MARCHF1: variants seen among roughly 807,000 people sequenced by gnomAD.
MARCHF1 encodes membrane associated ring-CH-type finger 1.
In MARCHF1, 40 loss-of-function variants were observed where a neutral mutation model predicts 54.2. The observed-to-expected ratio is 0.74, with a 90% CI of 0.57 to 0.96. The LOEUF (loss-of-function observed/expected upper bound fraction) is 0.96. MARCHF1 is among the 40% of genes least tolerant of loss of function. The probability of loss-of-function intolerance (pLI) is 0.00; values close to 1 mark genes in which losing one functional copy is unlikely to be tolerated. For missense variants in MARCHF1, 586 were observed against 656.5 expected, an observed-to-expected ratio of 0.89 and a Z score of 1.17; for synonymous variants, 236 against 236.3, an observed-to-expected ratio of 1.00 and a Z score of 0.01.
At chr4:163,832,316 T>A (rs1749049470) in intron 4 of MARCHF1, among the ~76,000 whole-genome samples, 1 of 152,148 alleles carries the variant, frequency 6.6e-6, no homozygotes, top group South Asian at 2.1e-4. Context: ...ATGCTGGCCT[T>A]TTCTCCGTGA....
chr4:163,999,862 C>G (rs1023956957), intron 2 of MARCHF1, among the ~76,000 whole-genome samples: 1 of 151,602 alleles, frequency 6.6e-6, no homozygotes, highest in Admixed American at 6.6e-5. Flanking sequence ...CTAACTTGCC[C>G]AAGGTCCCAC....
intron 1 of MARCHF1, among the ~76,000 whole-genome samples, chr4:164,143,215 C>G (rs1055138748): frequency 1.4e-4 from 21 of 152,044 alleles, no homozygotes; most frequent in African/African-American, 4.8e-4. Context: ...CTGAAAGTGA[C>G]TGGGAGAATG....
intron 1 of MARCHF1, among the ~76,000 whole-genome samples, chr4:164,216,010 A>G (rs1731921020): frequency 6.6e-6 from 1 of 152,242 alleles, no homozygotes; most frequent in Non-Finnish European, 1.5e-5. Context: ...AGGTTCTCAC[A>G]TAATGCCTAT....
At chr4:164,114,801 C>CA (rs34571086) in intron 1 of MARCHF1, among the ~76,000 whole-genome samples, 7,294 of 125,380 alleles carry the variant, frequency 0.058, 238 homozygotes, top group Middle Eastern at 0.17. Context: ...AGTGAATTAC[C>CA]AAAAAAAAAA....
chr4:164,088,855 A>T (rs1338795851), intron 2 of MARCHF1, among the ~76,000 whole-genome samples: 1 of 152,242 alleles, frequency 6.6e-6, no homozygotes, highest in Admixed American at 6.5e-5. Context: ...ACAAAGAAGC[A>T]TATTTTATAC....
intron 7 of MARCHF1, among the ~76,000 whole-genome samples, chr4:163,607,038 A>C (rs1741167402): frequency 6.6e-6 from 1 of 152,056 alleles, no homozygotes; most frequent in Non-Finnish European, 1.5e-5. Flanking sequence ...CCTCTTCTAT[A>C]TATAGGAAGT....
At chr4:164,174,710 A>G (rs981286647) in intron 1 of MARCHF1, among the ~76,000 whole-genome samples, 3 of 152,200 alleles carry the variant, frequency 2.0e-5, no homozygotes, top group Non-Finnish European at 4.4e-5. Flanking sequence ...TTGTTCTAAT[A>G]TATTTGTTTT....
At chr4:164,071,392 G>T (rs1463758538) in intron 2 of MARCHF1, among the ~76,000 whole-genome samples, 2 of 151,864 alleles carry the variant, frequency 1.3e-5, no homozygotes, top group African/African-American at 2.4e-5. Flanking sequence ...CCAAAATTAA[G>T]TGGAAATTTA....
intron 1 of MARCHF1, among the ~76,000 whole-genome samples, chr4:164,148,914 T>C (rs1337513693): frequency 2.0e-5 from 3 of 152,074 alleles, no homozygotes; most frequent in Non-Finnish European, 4.4e-5. Context: ...ATTATTATAG[T>C]TTGGATGCTC....
intron 5 of MARCHF1, among the ~76,000 whole-genome samples, chr4:163,694,020 G>C (rs1744543222): frequency 6.6e-6 from 1 of 152,152 alleles, no homozygotes; most frequent in Admixed American, 6.6e-5. Flanking sequence ...CAAGAATGAA[G>C]GATATTTGGA....
intron 4 of MARCHF1, among the ~76,000 whole-genome samples, chr4:163,789,506 TA>T (rs1229559223): frequency 1.3e-5 from 2 of 151,726 alleles, no homozygotes; most frequent in Non-Finnish European, 2.9e-5. Flanking sequence ...AAAGTCTTTT[TA>T]AAAAAAAGAA....
rs1462208986 is a variant in MARCHF1, at chr4:164,199,681, C to CACAG, written c.-322-88020_-322-88019insCTGT. Among the ~76,000 whole-genome samples, 406 of 47,626 alleles carry CACAG rather than the reference C, an allele frequency of 8.5e-3. 1 individual carries two copies. The highest frequency in any genetic ancestry group is 0.04 in the Admixed American group (155 of 3,898). The allele number at this position is 47,626 out of a possible 152,430, so 31.2% of individuals were successfully genotyped here. On this transcript the variant is annotated intron_variant, in intron 1 of 9. Coordinates refer to ENST00000514618, the MANE Select transcript of MARCHF1 (RefSeq NM_001394959.1). ...ACACACACACACACACACACACACA[C>CACAG]AGAGAGAGAGAGAGAGAGAGAGAGA...
intron 1 of MARCHF1, among the ~76,000 whole-genome samples, chr4:164,241,491 A>G (rs956518758): frequency 6.6e-6 from 1 of 152,158 alleles, no homozygotes; most frequent in African/African-American, 2.4e-5. Context: ...TTCCCAGTAT[A>G]CAATGATAAG....
intron 2 of MARCHF1, chr4:164,055,264 T>C (rs56330620): frequency 0.048 from 7,319 of 152,160 alleles, 271 homozygotes; most frequent in East Asian, 0.19. Flanking sequence ...GGCAACATGC[T>C]GAAACCCCAT....
chr4:163,946,387 A>G (rs1316109422), intron 3 of MARCHF1, among the ~76,000 whole-genome samples: 2 of 152,096 alleles, frequency 1.3e-5, no homozygotes, highest in East Asian at 1.9e-4. Flanking sequence ...TAGATCCCAT[A>G]CTATCATCTC....
At chr4:163,531,853 A>G (rs1179931019) in intron 9 of MARCHF1, among the ~76,000 whole-genome samples, 1 of 151,906 alleles carries the variant, frequency 6.6e-6, no homozygotes, top group Non-Finnish European at 1.5e-5. Flanking sequence ...AAAAACAATG[A>G]CAACAACAAA....
chr4:164,143,963 A>G lies in MARCHF1; in HGVS notation c.-322-32301T>C, dbSNP rs565398343. On this transcript the variant is annotated intron_variant, in intron 1 of 9. Transcript: ENST00000514618. Reference sequence around the variant, plus strand: ...CAGAGACACACATAGGCTCAAAATAAAAGGATGGAAGAAGATCTACCAAGC... The same window carrying G: ...CAGAGACACACATAGGCTCAAAATAGAAGGATGGAAGAAGATCTACCAAGC... Among the ~76,000 whole-genome samples, 6 of 152,324 alleles carry G rather than the reference A, an allele frequency of 3.9e-5. No homozygotes were observed. In the South Asian group the frequency reaches 6.2e-4, roughly 16 times the overall value.
At position 163,527,548 on chromosome 4, in the gene MARCHF1, A is replaced by AT. The variant is rs1327183691; in HGVS notation, c.*1199dup. 6 of 151,968 alleles carry AT rather than the reference A, an allele frequency of 3.9e-5. No individual in the cohort carries two copies. Among genetic ancestry groups the AT allele is most frequent in the East Asian group, 1.9e-4 (1 of 5,188 alleles). The allele number at this position is 151,968 out of a possible 1,614,324, so 9.4% of individuals were successfully genotyped here. On this transcript the variant is annotated 3_prime_UTR_variant, in exon 10 of 10. Coordinates refer to ENST00000514618, the MANE Select transcript of MARCHF1 (RefSeq NM_001394959.1). ...TTGTTTTATCTTTCTATACTTTTGG[A>AT]TTTTTACCCTTTAGAGATGTGAACT... is the stretch of plus-strand genomic sequence containing the variant.
At chr4:164,098,149 G>A (rs145517984) in intron 2 of MARCHF1, among the ~76,000 whole-genome samples, 147 of 152,108 alleles carry the variant, frequency 9.7e-4, no homozygotes, top group African/African-American at 2.8e-3. Context: ...GCTCTTTCCC[G>A]CTTCACACCC....
Sources: gnomAD v4.1 joint callset for allele counts (sites outside exome capture counted in the v4.1 genomes callset) on GRCh38, gnomAD v4.1.1 for gene constraint, MANE v1.5 for transcripts, NCBI Gene and HGNC (gene_info 2026-07-23, HGNC 2026-07-21) for gene names.